The following TNKS variants were observed in gnomAD, a reference collection of about 807,000 sequenced individuals.
TNKS encodes the protein poly [ADP-ribose] polymerase tankyrase-1.
Under a neutral mutation model 135.8 loss-of-function variants are expected in TNKS, and 72 were observed. The ratio of observed to expected loss-of-function variants is 0.53; its 90% CI spans 0.44 to 0.64. The LOEUF (loss-of-function observed/expected upper bound fraction) is 0.64. Among genes scored for constraint, TNKS ranks in the 30% least tolerant of loss-of-function variants. The probability of loss-of-function intolerance (pLI) is 0.00; values close to 1 mark genes in which losing one functional copy is unlikely to be tolerated. For missense variants in TNKS, 1,769 were observed against 1,674.0 expected (o/e 1.06, Z -0.99); for synonymous variants, 849 against 649.3 (o/e 1.31, Z -4.68).
intron 2 of TNKS, among the ~76,000 whole-genome samples, chr8:9,600,684 A>G (rs916429180): frequency 1.3e-5 from 2 of 152,184 alleles, no homozygotes; most frequent in Non-Finnish European, 2.9e-5. Flanking sequence ...AAAAAGTTAC[A>G]TGTAATGAGA....
chr8:9,713,773 G>C (rs920644959), intron 11 of TNKS, among the ~76,000 whole-genome samples: 3 of 152,134 alleles, frequency 2.0e-5, no homozygotes, highest in African/African-American at 7.2e-5. Flanking sequence ...CTCATGGTTG[G>C]TGTATCTGGT....
intron 2 of TNKS, among the ~76,000 whole-genome samples, chr8:9,580,822 A>T (rs980182799): frequency 6.6e-6 from 1 of 152,174 alleles, no homozygotes; most frequent in Admixed American, 6.5e-5. Context: ...TTTTGAATAC[A>T]GTAGTTCAGA....
intron 1 of TNKS, among the ~76,000 whole-genome samples, chr8:9,573,797 C>G (rs1003372597): frequency 9.2e-5 from 14 of 152,246 alleles, no homozygotes; most frequent in African/African-American, 3.4e-4. Context: ...GGGAAAATGA[C>G]TTTAAGATGT....
At chr8:9,672,708 AC>A (rs1176809202) in intron 3 of TNKS, among the ~76,000 whole-genome samples, 94 of 120,232 alleles carry the variant, frequency 7.8e-4, no homozygotes, top group Non-Finnish European at 1.1e-3. Context: ...ACACACACAC[AC>A]ACAAAAAAAA....
rs115999378 is a variant in TNKS, at chr8:9,645,892, C to T, written c.994+30215C>T. Among the ~76,000 whole-genome samples, 703 of 152,172 alleles carry T rather than the reference C, an allele frequency of 4.6e-3. 7 individuals are homozygous for T. Among genetic ancestry groups the T allele is most frequent in the African/African-American group, 0.016 (657 of 41,510 alleles). ...TCATAGTTATCTTTTCTTTAACAGC[C>T]ATATTTAAATTCACATTGTTTCTCT... On this transcript the variant is annotated intron_variant, in intron 3 of 26. Transcript: ENST00000310430.
chr8:9,556,677 GAAAACAGGTTATTGTGATGGGAC>G, intron 1 of TNKS, 65 bp downstream of exon 1: 1 of 1,583,042 alleles, frequency 6.3e-7, no homozygotes, highest in Non-Finnish European at 8.6e-7. Flanking sequence ...GTTAGGACAA[GAAAACAGGTTATTGTGATGGGAC>G]AAAGTGGGGG....
At chr8:9,719,945 C>T (rs1018928775) in intron 11 of TNKS, among the ~76,000 whole-genome samples, 1 of 152,130 alleles carries the variant, frequency 6.6e-6, no homozygotes, top group East Asian at 1.9e-4. Flanking sequence ...TAATCAACTA[C>T]TTTGACAGTC....
At chr8:9,578,795 T>G (rs988539315) in intron 1 of TNKS, among the ~76,000 whole-genome samples, 1 of 152,216 alleles carries the variant, frequency 6.6e-6, no homozygotes, top group African/African-American at 2.4e-5. Flanking sequence ...GATACCTAGT[T>G]AATAAGACCT....
rs557842255 is a variant in TNKS, at chr8:9,764,039, A to C, written c.3373-677A>C. On this transcript the variant is annotated intron_variant, in intron 22 of 26. Coordinates refer to ENST00000310430, the MANE Select transcript of TNKS (RefSeq NM_003747.3). ...CATGGGGTCCGGTGTCTTACTACCT[A>C]ATTCTCCTAGCAGTTAGTACATTTT... is the stretch of plus-strand genomic sequence containing the variant. Among the ~76,000 whole-genome samples the C allele has an allele frequency of 2.0e-5, 3 of 152,194 alleles. No individual in the cohort carries two copies. The East Asian group carries it at 5.8e-4, about 29-fold the overall frequency.
At chr8:9,574,902 G>T (rs1200473193) in intron 1 of TNKS, 2 of 355,524 alleles carry the variant, frequency 5.6e-6, no homozygotes, top group Non-Finnish European at 7.9e-6. Flanking sequence ...CTCCCTTCTT[G>T]TCTGAGAACC....
intron 3 of TNKS, among the ~76,000 whole-genome samples, chr8:9,656,638 T>G (rs1801387628): frequency 6.7e-6 from 1 of 149,686 alleles, no homozygotes; most frequent in Non-Finnish European, 1.5e-5. Flanking sequence ...ATTTATTTTT[T>G]TATTGATAAT....
At chr8:9,658,383 G>A (rs1012211123) in intron 3 of TNKS, 9 of 1,311,894 alleles carry the variant, frequency 6.9e-6, no homozygotes, top group African/African-American at 6.3e-5. Flanking sequence ...CAAAGACTGA[G>A]ACAGCTCCGC....
At chr8:9,684,946 CAG>C (rs1300763363) in intron 5 of TNKS, among the ~76,000 whole-genome samples, 1 of 152,116 alleles carries the variant, frequency 6.6e-6, no homozygotes, top group African/African-American at 2.4e-5. Flanking sequence ...TTTAAGGTGA[CAG>C]TGTTTTTTCC....
chr8:9,573,389 T>C (rs890433276), intron 1 of TNKS, among the ~76,000 whole-genome samples: 2 of 152,208 alleles, frequency 1.3e-5, no homozygotes, highest in Admixed American at 6.5e-5. Flanking sequence ...TTACAGCTTA[T>C]TGTTTGCCTT....
chr8:9,710,937 T>A (rs1397490007), intron 11 of TNKS, among the ~76,000 whole-genome samples: 1 of 152,138 alleles, frequency 6.6e-6, no homozygotes, highest in Admixed American at 6.5e-5. Context: ...AATAATTTTC[T>A]CAACCTCTAC....
chr8:9,560,493 CTTTTTTTTTTTTTTTTTTTT>C (rs535715245), intron 1 of TNKS, among the ~76,000 whole-genome samples: 188 of 42,324 alleles, frequency 4.4e-3, no homozygotes, highest in African/African-American at 0.021. Context: ...CCATACTTGT[CTTTTTTTTTTTTTTTTTTTT>C]TTTTTTTTTT....
chr8:9,561,058 A>G (rs1283100498), intron 1 of TNKS, among the ~76,000 whole-genome samples: 1 of 152,196 alleles, frequency 6.6e-6, no homozygotes, highest in South Asian at 2.1e-4. Flanking sequence ...TGCTTACATA[A>G]ATTATAATAC....
chr8:9,736,350 T>TTA (rs1314288076), intron 17 of TNKS, among the ~76,000 whole-genome samples: 57 of 87,436 alleles, frequency 6.5e-4, no homozygotes, highest in East Asian at 3.4e-3. Flanking sequence ...AGACCTCATC[T>TTA]AAAAAAAAAA....
At chr8:9,583,729 C>G (rs1171525523) in intron 2 of TNKS, among the ~76,000 whole-genome samples, 1 of 152,000 alleles carries the variant, frequency 6.6e-6, no homozygotes. Flanking sequence ...CCTTGTGATC[C>G]GCCTGTCTCA....
Sources: gnomAD v4.1 joint callset for allele counts (sites outside exome capture counted in the v4.1 genomes callset) on GRCh38, gnomAD v4.1.1 for gene constraint, MANE v1.5 for transcripts, NCBI Gene and HGNC (gene_info 2026-07-23, HGNC 2026-07-21) for gene names.